The following LRP2 variants were observed in gnomAD, a reference collection of about 807,000 sequenced individuals.
The protein encoded by LRP2 is LDL receptor related protein 2, also known as low-density lipoprotein receptor-related protein 2.
Under a neutral mutation model 531.0 loss-of-function variants are expected in LRP2, and 172 were observed. The ratio of observed to expected loss-of-function variants is 0.32; its 90% CI spans 0.29 to 0.37. The LOEUF (loss-of-function observed/expected upper bound fraction) is 0.37, where lower values mean the gene tolerates loss of function less well. Among genes scored for constraint, LRP2 ranks in the 10% least tolerant of loss-of-function variants. LRP2 has a pLI of 1.00. For synonymous variants in LRP2, 1,992 were observed against 2,027.6 expected (o/e 0.98, Z 0.47); for missense variants, 5,167 against 5,868.3 (o/e 0.88, Z 3.90).
chr2:169,171,967 A>G (rs770904865), intron 58 of LRP2, 48 bp downstream of exon 58: 12 of 1,612,378 alleles, frequency 7.4e-6, no homozygotes, highest in Middle Eastern at 1.7e-4. Context: ...AAAAGCAAAC[A>G]TCACAGCTCT....
chr2:169,206,000 T>C (rs1371433766), intron 40 of LRP2, 23 bp downstream of exon 40: 2 of 1,614,150 alleles, frequency 1.2e-6, no homozygotes, highest in Non-Finnish European at 1.7e-6. Context: ...GACAGAAATA[T>C]AACAAGGAAG....
At chr2:169,200,930 C>A (rs1688183823) in intron 44 of LRP2, among the ~76,000 whole-genome samples, 1 of 152,094 alleles carries the variant, frequency 6.6e-6, no homozygotes, top group African/African-American at 2.4e-5. Context: ...TAAAGTGGGG[C>A]AACAAAACAT....
intron 1 of LRP2, among the ~76,000 whole-genome samples, chr2:169,329,414 A>G (rs1423287986): frequency 6.6e-6 from 1 of 152,192 alleles, no homozygotes; most frequent in Non-Finnish European, 1.5e-5. Context: ...GAAGCTTAGC[A>G]TGGGTGAGGG....
chr2:169,165,870 T>G (rs925731200), intron 62 of LRP2, 62 bp downstream of exon 62: 6 of 1,608,284 alleles, frequency 3.7e-6, no homozygotes, highest in Non-Finnish European at 5.1e-6. Flanking sequence ...GAGGCACATT[T>G]TCCAAACTGC....
At chr2:169,161,754 A>C (rs201143852) in intron 63 of LRP2, among the ~76,000 whole-genome samples, 1 of 152,190 alleles carries the variant, frequency 6.6e-6, no homozygotes, top group Admixed American at 6.5e-5. Context: ...GATTACAGGC[A>C]TGAGCCACTG....
In LRP2 at chr2:169,209,549, G is replaced by A. The variant is rs375749752; in HGVS notation, c.6373C>T (p.Arg2125Cys). 112 of 1,614,000 alleles carry A rather than the reference G, an allele frequency of 6.9e-5. No homozygotes were observed. The highest frequency in any genetic ancestry group is 3.7e-4 in the African/African-American group (28 of 75,004). Residue 2125 changes from arginine to cysteine, a missense_variant, in exon 38 of 79, where the codon CGT becomes TGT. Physicochemically the swap from Arg to Cys is radical, Grantham distance 180 (BLOSUM62 -3). Transcript: ENST00000649046. ...SSSVASDNAI[R>C]RIKPDGSSLM... ...GAAGATCCATCTGGTTTAATTCTAC[G>A]GATCGCATTATCAGATGCCACTGAG... is the stretch of plus-strand genomic sequence containing the variant.
chr2:169,207,759 G>A (rs1001463583), intron 38 of LRP2, among the ~76,000 whole-genome samples: 4 of 152,136 alleles, frequency 2.6e-5, no homozygotes, highest in African/African-American at 4.8e-5. Context: ...ACTAATGTAG[G>A]TGTTTTCATC....
intron 48 of LRP2, among the ~76,000 whole-genome samples, chr2:169,190,094 C>T (rs1285500716): frequency 1.3e-5 from 2 of 152,176 alleles, no homozygotes; most frequent in African/African-American, 4.8e-5. Context: ...ATATTTACAT[C>T]TAAGACTAAT....
At chr2:169,332,622 C>T (rs34030782) in intron 1 of LRP2, among the ~76,000 whole-genome samples, 1,803 of 152,208 alleles carry the variant, frequency 0.012, 20 homozygotes, top group Non-Finnish European at 0.02. Context: ...TATGTAATTG[C>T]TAAGTGGGTT....
chr2:169,329,904 G>A (rs1334303454), intron 1 of LRP2, among the ~76,000 whole-genome samples: 2 of 152,180 alleles, frequency 1.3e-5, no homozygotes, highest in Non-Finnish European at 2.9e-5. Flanking sequence ...GGTGAGAGGC[G>A]GGTGAGTGAG....
At chr2:169,257,324 C>CA in intron 17 of LRP2, 75 bp from the exon 18 acceptor site, 1 of 1,480,530 alleles carries the variant, frequency 6.8e-7, no homozygotes, top group Non-Finnish European at 9.4e-7. Flanking sequence ...TTAGAACAAA[C>CA]AGAGATTCTC....
chr2:169,204,372 T>C, intron 41 of LRP2, 101 bp from the exon 42 acceptor site: 1 of 1,142,126 alleles, frequency 8.8e-7, no homozygotes, highest in Non-Finnish European at 1.3e-6. Context: ...TTACACAAGC[T>C]GCAAACTTTC....
At chr2:169,290,791 A>G in intron 8 of LRP2, 54 bp downstream of exon 8, 2 of 1,575,072 alleles carry the variant, frequency 1.3e-6, no homozygotes, top group East Asian at 2.2e-5. Flanking sequence ...CGTCTGTTCT[A>G]GAAAACAGAA....
intron 2 of LRP2, 35 bp downstream of exon 2, chr2:169,320,742 C>T: frequency 2.6e-6 from 4 of 1,548,018 alleles, no homozygotes; most frequent in Non-Finnish European, 3.6e-6. Context: ...TTAGGTTACT[C>T]AAAATAGAAC....
chr2:169,305,873 T>A (rs1684401087), intron 4 of LRP2, among the ~76,000 whole-genome samples: 1 of 152,138 alleles, frequency 6.6e-6, no homozygotes, highest in South Asian at 2.1e-4. Flanking sequence ...TCCAATTGCC[T>A]GTAGTATTTA....
rs80160469 is a variant in LRP2 at position 169,154,895 on chromosome 2, G to A, written c.12152-292C>T. The stretch of plus-strand genomic sequence containing the variant: ...AACAAAGCTAGACTGAGAACCCTAC[G>A]TACAGTCCTCATTTTCACTGAATTG... On this transcript the variant is annotated intron_variant, in intron 65 of 78. Transcript: ENST00000649046. Among the ~76,000 whole-genome samples, 4,385 of 152,198 alleles carry A rather than the reference G, an allele frequency of 0.029. 83 individuals carry two copies. The highest frequency in any genetic ancestry group is 0.043 in the Non-Finnish European group (2,951 of 67,996).
chr2:169,235,521 G>A (rs912165810), intron 29 of LRP2, among the ~76,000 whole-genome samples: 1 of 152,144 alleles, frequency 6.6e-6, no homozygotes, highest in Non-Finnish European at 1.5e-5. Flanking sequence ...TCACAGGCGT[G>A]AGCCACCGCG....
At chr2:169,359,135 C>A (rs1480978036) in intron 1 of LRP2, among the ~76,000 whole-genome samples, 1 of 152,036 alleles carries the variant, frequency 6.6e-6, no homozygotes, top group African/African-American at 2.4e-5. Flanking sequence ...ATATGCTTTA[C>A]ACCATGCTAA....
At chr2:169,261,494 A>G (rs1177658311) in intron 16 of LRP2, among the ~76,000 whole-genome samples, 1 of 148,852 alleles carries the variant, frequency 6.7e-6, no homozygotes, top group Non-Finnish European at 1.5e-5. Context: ...CTGACAACTC[A>G]TTTCCTGCAT....
Sources: gnomAD v4.1 joint callset for allele counts (sites outside exome capture counted in the v4.1 genomes callset) on GRCh38, gnomAD v4.1.1 for gene constraint, MANE v1.5 for transcripts, NCBI Gene and HGNC (gene_info 2026-07-23, HGNC 2026-07-21) for gene names.